Variants in METTL15 observed in about 807,000 individuals in gnomAD.
The protein encoded by METTL15 is 12S rRNA N(4)-cytidine methyltransferase METTL15.
METTL15 carries 34 observed loss-of-function variants against 38.3 expected under a neutral mutation model. That is an observed-to-expected ratio of 0.89 (90% CI 0.68 to 1.18). METTL15 has a LOEUF of 1.18. METTL15 is among the 50% of genes most tolerant of loss of function. The pLI, the probability that METTL15 is intolerant of heterozygous loss-of-function variation, is 0.00. For missense variants in METTL15, 438 were observed against 498.4 expected (o/e 0.88, Z 1.15); for synonymous variants, 162 against 170.9 (o/e 0.95, Z 0.41).
chr11:28,526,159 G>A (rs1042734452), intron 6 of METTL15, among the ~76,000 whole-genome samples: 4 of 152,148 alleles, frequency 2.6e-5, no homozygotes, highest in East Asian at 1.9e-4. Context: ...TCCCACCTGC[G>A]CCTCTCCCGC....
chr11:28,372,515 G>T (rs1590349078), intron 5 of METTL15, among the ~76,000 whole-genome samples: 1 of 139,924 alleles, frequency 7.1e-6, no homozygotes, highest in African/African-American at 2.7e-5. Flanking sequence ...ATCAAGTTCT[G>T]GAAAAAAAAC....
At chr11:28,388,170 C>A (rs1360857203) in intron 5 of METTL15, among the ~76,000 whole-genome samples, 1 of 152,084 alleles carries the variant, frequency 6.6e-6, no homozygotes, top group Admixed American at 6.6e-5. Context: ...GATTCTCACT[C>A]TCACTGCTTC....
intron 6 of METTL15, among the ~76,000 whole-genome samples, chr11:28,442,713 C>T (rs968604275): frequency 1.3e-5 from 2 of 152,086 alleles, no homozygotes; most frequent in Non-Finnish European, 2.9e-5. Context: ...GTGAGTTTCC[C>T]CTGGGAAATC....
chr11:28,185,905 A>G (rs1590125209), intron 3 of METTL15, among the ~76,000 whole-genome samples: 1 of 149,384 alleles, frequency 6.7e-6, no homozygotes, highest in African/African-American at 2.4e-5. Context: ...ATATAAATAT[A>G]CACACGTATC....
chr11:28,340,368 TATC>T (rs756512147), intron 3 of METTL15, among the ~76,000 whole-genome samples: 15 of 152,244 alleles, frequency 9.9e-5, no homozygotes, highest in African/African-American at 1.4e-4. Flanking sequence ...TAAAAGAAAC[TATC>T]ATCAGAGTGA....
At chr11:28,498,189 G>A (rs1851552053) in intron 6 of METTL15, among the ~76,000 whole-genome samples, 1 of 151,978 alleles carries the variant, frequency 6.6e-6, no homozygotes, top group African/African-American at 2.4e-5. Flanking sequence ...AATTCCGGGG[G>A]CATTTCAGAT....
chr11:28,166,065 G>A (rs1184773696), intron 3 of METTL15, among the ~76,000 whole-genome samples: 1 of 152,050 alleles, frequency 6.6e-6, no homozygotes, highest in Non-Finnish European at 1.5e-5. Context: ...TTTGAAATCT[G>A]GGAATGTGAT....
At chr11:28,193,756 T>C (rs1372356173) in intron 3 of METTL15, among the ~76,000 whole-genome samples, 1 of 152,126 alleles carries the variant, frequency 6.6e-6, no homozygotes, top group African/African-American at 2.4e-5. Flanking sequence ...ATATAAAAAA[T>C]TGCTATAACT....
At chr11:28,369,396 G>T (rs1850220953) in intron 5 of METTL15, among the ~76,000 whole-genome samples, 2 of 151,968 alleles carry the variant, frequency 1.3e-5, no homozygotes, top group South Asian at 4.1e-4. Context: ...AATAATGGTT[G>T]TAAACTTCCC....
At chr11:28,170,962 C>T (rs1490483739) in intron 3 of METTL15, among the ~76,000 whole-genome samples, 2 of 152,132 alleles carry the variant, frequency 1.3e-5, no homozygotes, top group East Asian at 1.9e-4. Flanking sequence ...CGCTGTGGTT[C>T]GAACACCTCT....
intron 5 of METTL15, among the ~76,000 whole-genome samples, chr11:28,412,643 A>G (rs926251319): frequency 1.3e-5 from 2 of 152,076 alleles, no homozygotes; most frequent in East Asian, 3.9e-4. Flanking sequence ...ACGCAGAAAG[A>G]AAACTATTGC....
At chr11:28,431,808 G>T (rs10835334) in intron 6 of METTL15, among the ~76,000 whole-genome samples, 2 of 87,052 alleles carry the variant, frequency 2.3e-5, no homozygotes, top group Non-Finnish European at 4.4e-5. Context: ...AAAAAAAAAA[G>T]AAAAAAAAAA....
At position 28,189,341 on chromosome 11, in the gene METTL15, C is replaced by A. The variant is rs760315417; in HGVS notation, c.271-21721C>A. ...CTTGTGTATCTTCATTTTTTATTTC[C>A]CAAAGAATGGAACAAAGCCTACAGA... On this transcript the variant is annotated intron_variant, in intron 3 of 6. Transcript: ENST00000407364. Among the ~76,000 whole-genome samples, 5 of 150,700 alleles carry A rather than the reference C, an allele frequency of 3.3e-5. No individual in the cohort carries two copies. In the South Asian group the frequency reaches 8.4e-4, roughly 25 times the overall value.
intron 3 of METTL15, among the ~76,000 whole-genome samples, chr11:28,122,343 G>A (rs913896192): frequency 2.8e-4 from 28 of 98,930 alleles, no homozygotes; most frequent in South Asian, 1.8e-3. Context: ...ATGTGTGTGT[G>A]TGTGTGTGTG....
At chr11:28,390,903 A>C (rs1850498824) in intron 5 of METTL15, among the ~76,000 whole-genome samples, 1 of 152,018 alleles carries the variant, frequency 6.6e-6, no homozygotes, top group Non-Finnish European at 1.5e-5. Context: ...GTTTTATTTC[A>C]TTGAGCAGTG....
At chr11:28,307,752 T>C (rs1320596019) in intron 6 of METTL15, among the ~76,000 whole-genome samples, 1 of 152,016 alleles carries the variant, frequency 6.6e-6, no homozygotes, top group African/African-American at 2.4e-5. Context: ...AAGTCTACTT[T>C]GTGCTGGGCA....
chr11:28,334,046 G>C (rs141622377), downstream of METTL15, among the ~76,000 whole-genome samples: 471 of 151,826 alleles, frequency 3.1e-3, 10 homozygotes, highest in South Asian at 0.04. Context: ...CATTCAAAAA[G>C]TATGAGACAG....
chr11:28,220,561 A>G (rs1853155179), intron 4 of METTL15, among the ~76,000 whole-genome samples: 1 of 152,156 alleles, frequency 6.6e-6, no homozygotes, highest in Non-Finnish European at 1.5e-5. Flanking sequence ...GCCCATTGAC[A>G]TTTAAGGTTA....
intron 4 of METTL15, among the ~76,000 whole-genome samples, chr11:28,238,218 A>C (rs1254944104): frequency 6.6e-6 from 1 of 152,200 alleles, no homozygotes; most frequent in East Asian, 1.9e-4. Context: ...GGTGGAGCCT[A>C]CAGAGGCAGG....
Sources: allele counts gnomAD v4.1 joint callset (sites outside exome capture counted in the v4.1 genomes callset), GRCh38; gene constraint gnomAD v4.1.1; transcripts MANE v1.5; gene names NCBI Gene and HGNC (gene_info 2026-07-23, HGNC 2026-07-21).